The following APLP2 variants were observed in gnomAD, a reference collection of about 807,000 sequenced individuals.
APLP2 encodes amyloid beta precursor like protein 2.
In APLP2, 53 loss-of-function variants were observed where a neutral mutation model predicts 89.9. The ratio of observed to expected loss-of-function variants is 0.59; its 90% CI spans 0.47 to 0.74. The LOEUF (loss-of-function observed/expected upper bound fraction) is 0.74. Ranked by LOEUF, APLP2 falls within the 30% of genes least tolerant of loss-of-function variation. The pLI, the probability that APLP2 is intolerant of heterozygous loss-of-function variation, is 0.00. For missense variants in APLP2, 973 were observed against 975.9 expected (o/e 1.00, Z 0.04); for synonymous variants, 372 against 348.6 (o/e 1.07, Z -0.75).
At chr11:130,078,162 TTTC>T (rs1285018794) in intron 1 of APLP2, among the ~76,000 whole-genome samples, 1 of 150,562 alleles carries the variant, frequency 6.6e-6, no homozygotes, top group African/African-American at 2.4e-5. Context: ...TCAGTTTTTC[TTTC>T]TTTTTTTTTT....
intron 1 of APLP2, among the ~76,000 whole-genome samples, chr11:130,093,243 C>T (rs973195748): frequency 2.0e-5 from 3 of 152,166 alleles, no homozygotes; most frequent in African/African-American, 7.2e-5. Flanking sequence ...TCTTAGTGTT[C>T]CCTTCTTAAA....
chr11:130,110,826 A>C (rs1451735987), intron 3 of APLP2, among the ~76,000 whole-genome samples, 165 bp downstream of exon 3: 1 of 152,102 alleles, frequency 6.6e-6, no homozygotes, highest in East Asian at 1.9e-4. Flanking sequence ...TTCGAGTGTC[A>C]GTGGTTGACC....
intron 1 of APLP2, among the ~76,000 whole-genome samples, chr11:130,078,851 A>G (rs997005122): frequency 6.6e-6 from 1 of 151,724 alleles, no homozygotes; most frequent in Non-Finnish European, 1.5e-5. Flanking sequence ...CATTGTCTTA[A>G]TTATTATATA....
In APLP2 at chr11:130,132,620, A is replaced by T. The variant is rs1302438773; in HGVS notation, c.1585-1009A>T. On this transcript the variant is annotated intron_variant, in intron 11 of 16. Coordinates refer to ENST00000338167, the MANE Select transcript of APLP2 (RefSeq NM_001142276.2). ...TCTAATGGCCTTTTTTTTTTTTTTT[A>T]AATAATGAATAACCTTAGAACTTTT... Among the ~76,000 whole-genome samples, 505 of 94,220 alleles carry T rather than the reference A, an allele frequency of 5.4e-3. 2 individuals carry two copies. Among genetic ancestry groups the T allele is most frequent in the African/African-American group, 0.044 (479 of 10,920 alleles). 61.8% of individuals were successfully genotyped at this position (94,220 alleles called of 152,430 possible).
chr11:130,109,273 C>T (rs1425515970), intron 1 of APLP2, 156 bp from the exon 2 acceptor site: 3 of 579,194 alleles, frequency 5.2e-6, no homozygotes, highest in African/African-American at 1.9e-5. Flanking sequence ...ACTTTTTATT[C>T]TGTTCTAGCT....
intron 1 of APLP2, among the ~76,000 whole-genome samples, chr11:130,094,420 C>A (rs911502798): frequency 2.6e-5 from 4 of 151,764 alleles, no homozygotes; most frequent in African/African-American, 7.3e-5. Context: ...AATTCTTGAC[C>A]TCAAATGATC....
At chr11:130,124,666 T>C (rs1459118177) in intron 7 of APLP2, among the ~76,000 whole-genome samples, 1 of 152,356 alleles carries the variant, frequency 6.6e-6, no homozygotes, top group South Asian at 2.1e-4. Flanking sequence ...CTGACGGTTT[T>C]TCATTCACAT....
chr11:130,113,952 A>G (rs1254124575), intron 3 of APLP2, among the ~76,000 whole-genome samples: 3 of 152,110 alleles, frequency 2.0e-5, no homozygotes, highest in African/African-American at 7.2e-5. Context: ...CCTCACACAC[A>G]TACTCGAGGT....
intron 3 of APLP2, among the ~76,000 whole-genome samples, chr11:130,117,719 C>G (rs964755563): frequency 1.3e-5 from 2 of 152,140 alleles, no homozygotes; most frequent in Non-Finnish European, 2.9e-5. Context: ...CCTTTTACAG[C>G]TTGCTTTTAC....
chr11:130,113,711 C>G (rs907016164), intron 3 of APLP2, among the ~76,000 whole-genome samples: 3 of 150,764 alleles, frequency 2.0e-5, no homozygotes, highest in Non-Finnish European at 4.4e-5. Context: ...ATAATGGCCA[C>G]CACCTTTTCC....
At chr11:130,115,548 G>A (rs1949065570) in intron 3 of APLP2, among the ~76,000 whole-genome samples, 2 of 152,310 alleles carry the variant, frequency 1.3e-5, no homozygotes, top group South Asian at 4.1e-4. Context: ...ATATTGTATA[G>A]GTTAGGTTTT....
chr11:130,070,698 T>A (rs1565541275), intron 1 of APLP2: 1 of 1,478,044 alleles, frequency 6.8e-7, no homozygotes, highest in Admixed American at 2.3e-5. Flanking sequence ...CGCGCATTTT[T>A]TAAGTGGCGC....
In APLP2 at chr11:130,141,380, G is replaced by A; in HGVS notation, c.1924-118G>A. The A allele has an allele frequency of 2.5e-6, 2 of 799,146 alleles. No individual in the cohort carries two copies. The highest frequency in any genetic ancestry group is 3.3e-5 in the South Asian group (2 of 61,432). 49.5% of individuals were successfully genotyped at this position (799,146 alleles called of 1,614,324 possible). A position where few individuals can be genotyped will look rare whatever the true frequency, so the allele number is the denominator to read the frequency against. On this transcript the variant is annotated intron_variant, in intron 14 of 16. Transcript: ENST00000338167. The surrounding 1 kb of genome is among the most constrained non-coding windows in gnomAD (Gnocchi z 4.2). ...TGACAGAACTGGTTGGTTAATGGGG[G>A]TCCCACAGGTACCTGCTTCCTTCCA... is the stretch of plus-strand genomic sequence containing the variant.
chr11:130,129,952 T>C, intron 10 of APLP2, 86 bp from the exon 11 acceptor site: 1 of 1,482,392 alleles, frequency 6.7e-7, no homozygotes, highest in Non-Finnish European at 9.3e-7. Flanking sequence ...CTTTACATTC[T>C]TAAGTGAACT....
intron 3 of APLP2, among the ~76,000 whole-genome samples, chr11:130,118,564 A>G (rs536756595): frequency 2.0e-5 from 3 of 152,336 alleles, no homozygotes; most frequent in African/African-American, 7.2e-5. Flanking sequence ...ATAAATGAAC[A>G]AAAACAGCCT....
At chr11:130,070,378 C>A (rs550598212) in intron 1 of APLP2, among the ~76,000 whole-genome samples, 1 of 151,284 alleles carries the variant, frequency 6.6e-6, no homozygotes, top group Admixed American at 6.6e-5. Flanking sequence ...GCCGCCACCT[C>A]CTCCGGGGAC....
intron 3 of APLP2, among the ~76,000 whole-genome samples, chr11:130,119,235 GCTTCCTGCATCT>G (rs1949549716): frequency 6.6e-6 from 1 of 152,134 alleles, no homozygotes; most frequent in Non-Finnish European, 1.5e-5. Context: ...TCCTGCCACT[GCTTCCTGCATCT>G]CTTCCTGGGC....
At chr11:130,098,482 T>G (rs1041875137) in intron 1 of APLP2, among the ~76,000 whole-genome samples, 6 of 152,130 alleles carry the variant, frequency 3.9e-5, no homozygotes, top group African/African-American at 1.2e-4. Context: ...GGAAAAGAGA[T>G]CTAGTGAAGT....
intron 1 of APLP2, among the ~76,000 whole-genome samples, chr11:130,083,238 C>G (rs1468137579): frequency 3.3e-5 from 5 of 151,864 alleles, no homozygotes; most frequent in Non-Finnish European, 7.4e-5. Context: ...GGGACTTGCT[C>G]TCTTGCCCAA....
Sources: gnomAD v4.1 joint callset for allele counts (sites outside exome capture counted in the v4.1 genomes callset) on GRCh38, gnomAD v4.1.1 for gene constraint, Gnocchi (gnomAD v3.1) non-coding constraint, MANE v1.5 for transcripts, NCBI Gene and HGNC (gene_info 2026-07-23, HGNC 2026-07-21) for gene names.